Variants in KYAT1 observed in about 807,000 individuals in gnomAD.
The protein encoded by KYAT1 is kynurenine aminotransferase 1.
A neutral mutation model predicts 52.4 loss-of-function variants in KYAT1; 47 were observed. The observed-to-expected ratio is 0.90, with a 90% CI of 0.71 to 1.14. KYAT1 has a LOEUF of 1.14. KYAT1 is among the 50% of genes most tolerant of loss of function. The pLI, the probability that KYAT1 is intolerant of heterozygous loss-of-function variation, is 0.00. For missense variants in KYAT1, 480 were observed against 557.9 expected (o/e 0.86, Z 1.41); for synonymous variants, 212 against 209.6 (o/e 1.01, Z -0.10).
intron 1 of KYAT1, among the ~76,000 whole-genome samples, chr9:128,849,438 AAAT>A (rs1833606421): frequency 9.3e-6 from 1 of 107,026 alleles, no homozygotes; most frequent in South Asian, 3.6e-4. Flanking sequence ...GGGGGGTGGG[AAAT>A]AATAATCTTT....
chr9:128,857,004 C>T (rs1473153737), intron 1 of KYAT1, among the ~76,000 whole-genome samples: 1 of 152,246 alleles, frequency 6.6e-6, no homozygotes, highest in Non-Finnish European at 1.5e-5. Context: ...CCTGATTATA[C>T]ATTTGTTCAA....
chr9:128,863,707 C>G (rs143621005), intron 1 of KYAT1, among the ~76,000 whole-genome samples: 2 of 152,266 alleles, frequency 1.3e-5, no homozygotes, highest in East Asian at 3.9e-4. Flanking sequence ...TTGGGAGCAA[C>G]TTGGGGGCTT....
At chr9:128,855,737 C>T (rs887909187) in intron 1 of KYAT1, among the ~76,000 whole-genome samples, 7 of 152,176 alleles carry the variant, frequency 4.6e-5, no homozygotes, top group African/African-American at 1.7e-4. Flanking sequence ...GGAGGCTTCC[C>T]CATCCATCCA....
intron 1 of KYAT1, chr9:128,846,818 G>A (rs1833179927): frequency 1.3e-6 from 2 of 1,535,622 alleles, no homozygotes; most frequent in East Asian, 4.9e-5. Context: ...GATGGCTGGT[G>A]GGCCGTGGAG....
At chr9:128,880,804 G>A (rs189601576) in intron 1 of KYAT1, among the ~76,000 whole-genome samples, 15 of 152,240 alleles carry the variant, frequency 9.9e-5, no homozygotes, top group Admixed American at 9.8e-4. Context: ...TATTAAAAGG[G>A]AAAAATAAGA....
intron 1 of KYAT1, among the ~76,000 whole-genome samples, chr9:128,852,202 C>T (rs1012420149): frequency 3.9e-5 from 6 of 152,130 alleles, no homozygotes; most frequent in African/African-American, 7.2e-5. Flanking sequence ...AGGCAGATGG[C>T]GCATGCTGAC....
At chr9:128,850,605 A>G (rs1833829614) in intron 1 of KYAT1, among the ~76,000 whole-genome samples, 1 of 152,178 alleles carries the variant, frequency 6.6e-6, no homozygotes, top group Non-Finnish European at 1.5e-5. Context: ...CCCATGTGAT[A>G]GTCTGAAATA....
intron 1 of KYAT1, chr9:128,847,602 A>C: frequency 9.9e-7 from 1 of 1,013,308 alleles, no homozygotes; most frequent in Non-Finnish European, 1.4e-6. Flanking sequence ...CCTGGCCAGA[A>C]AATGCCTCCG....
intron 6 of KYAT1, 75 bp downstream of exon 6, chr9:128,837,610 C>A: frequency 6.4e-7 from 1 of 1,557,508 alleles, no homozygotes. Context: ...GGAGGCCCCA[C>A]AGCAGCAACT....
At chr9:128,859,658 T>C (rs1835180695) in intron 1 of KYAT1, among the ~76,000 whole-genome samples, 1 of 151,760 alleles carries the variant, frequency 6.6e-6, no homozygotes, top group Non-Finnish European at 1.5e-5. Context: ...GCCATTTTTT[T>C]TTTTTTTTGA....
chr9:128,875,617 C>T (rs1330352290), intron 1 of KYAT1, among the ~76,000 whole-genome samples: 1 of 150,870 alleles, frequency 6.6e-6, no homozygotes, highest in East Asian at 1.9e-4. Context: ...GAGCAAGACT[C>T]CGCTTCAAAA....
Position 128,833,429 on chromosome 9 carries a change from C to T in KYAT1, c.*155G>A, listed in dbSNP as rs989619769. The T allele has an allele frequency of 5.6e-5, 43 of 764,238 alleles. 1 individual carries two copies. Among genetic ancestry groups the T allele is most frequent in the South Asian group, 5.6e-4 (33 of 59,372 alleles). The allele number at this position is 764,238 out of a possible 1,614,324, so 47.3% of individuals were successfully genotyped here. A position where few individuals can be genotyped will look rare whatever the true frequency, so the allele number is the denominator to read the frequency against. Reference sequence around the variant, plus strand: ...CTTGGTTCTCTAAGATGAAGAAGGGCGGCTCCCACCCAGAACATTCTGTGT... The same window carrying T: ...CTTGGTTCTCTAAGATGAAGAAGGGTGGCTCCCACCCAGAACATTCTGTGT... On this transcript the variant is annotated 3_prime_UTR_variant, in exon 13 of 13. Transcript: ENST00000302586.
At chr9:128,838,640 T>C (rs1335207413) in intron 3 of KYAT1, among the ~76,000 whole-genome samples, 1 of 152,148 alleles carries the variant, frequency 6.6e-6, no homozygotes, top group Non-Finnish European at 1.5e-5. Context: ...GAGGTAAAGG[T>C]CACACAATCT....
At chr9:128,876,409 C>CT (rs71383618) in intron 1 of KYAT1, among the ~76,000 whole-genome samples, 66,853 of 124,454 alleles carry the variant, frequency 0.54, 20,343 homozygotes, top group Admixed American at 0.67. Flanking sequence ...ATCCTTTGTT[C>CT]TTTTTTTTTT....
chr9:128,841,168 G>A (rs1037248654), intron 3 of KYAT1, among the ~76,000 whole-genome samples: 3 of 151,878 alleles, frequency 2.0e-5, no homozygotes, highest in African/African-American at 7.3e-5. Flanking sequence ...TCAAGAGATC[G>A]AGACCAACCG....
intron 1 of KYAT1, among the ~76,000 whole-genome samples, chr9:128,849,627 G>C (rs528851143): frequency 0.98 from 148,534 of 151,048 alleles, 73,072 homozygotes; most frequent in Middle Eastern, 1. Context: ...AACCAAGATG[G>C]TGTACTAAAA....
intron 1 of KYAT1, among the ~76,000 whole-genome samples, chr9:128,855,822 A>G (rs1170350006): frequency 1.3e-5 from 2 of 152,216 alleles, no homozygotes; most frequent in African/African-American, 4.8e-5. Context: ...TGCAGTGATT[A>G]TGGGTCTTAT....
At chr9:128,866,199 T>G (rs1481040477) in intron 1 of KYAT1, among the ~76,000 whole-genome samples, 1 of 152,220 alleles carries the variant, frequency 6.6e-6, no homozygotes, top group African/African-American at 2.4e-5. Flanking sequence ...CTGGGCCATT[T>G]TAATATAATA....
At chr9:128,846,121 C>A (rs1279666692) in intron 1 of KYAT1, among the ~76,000 whole-genome samples, 1 of 152,210 alleles carries the variant, frequency 6.6e-6, no homozygotes, top group Non-Finnish European at 1.5e-5. Flanking sequence ...CCCTCCTCAG[C>A]CACTGGTGTG....
Sources: gnomAD v4.1 joint callset for allele counts (sites outside exome capture counted in the v4.1 genomes callset) on GRCh38, gnomAD v4.1.1 for gene constraint, MANE v1.5 for transcripts, NCBI Gene and HGNC (gene_info 2026-07-23, HGNC 2026-07-21) for gene names.